Variants in SLIT3 observed in about 807,000 individuals in gnomAD.
The protein encoded by SLIT3 is slit homolog 3 protein.
Under a neutral mutation model 184.0 loss-of-function variants are expected in SLIT3, and 68 were observed. The observed-to-expected ratio is 0.37, with a 90% CI of 0.30 to 0.45. The LOEUF is 0.45. SLIT3 is among the 20% of genes least tolerant of loss of function. The pLI is 1.00. For synonymous variants in SLIT3, 831 were observed against 828.6 expected (o/e 1.00, Z -0.05); for missense variants, 1,707 against 2,026.0 (o/e 0.84, Z 3.02).
intron 5 of SLIT3, 49 bp downstream of exon 5, chr5:168,883,216 G>A (rs766971592): frequency 4.0e-6 from 6 of 1,492,408 alleles, no homozygotes; most frequent in Middle Eastern, 1.7e-4. Flanking sequence ...TCTGGTCAGA[G>A]AGCCCAAGTT....
At chr5:168,692,553 T>C (rs1761940840) in intron 29 of SLIT3, 54 bp downstream of exon 29, 1 of 1,264,806 alleles carries the variant, frequency 7.9e-7, no homozygotes, top group Non-Finnish European at 1.2e-6. Context: ...ACCTAGACTG[T>C]TAGAGGCAGA....
At chr5:168,764,767 T>TAGATAC (rs1287038571) in intron 14 of SLIT3, among the ~76,000 whole-genome samples, 1 of 152,166 alleles carries the variant, frequency 6.6e-6, no homozygotes, top group Non-Finnish European at 1.5e-5. Flanking sequence ...ACCGCTAGGC[T>TAGATAC]TGTGTGAGCA....
intron 6 of SLIT3, among the ~76,000 whole-genome samples, chr5:168,830,032 G>C (rs1335222660): frequency 6.6e-6 from 1 of 152,302 alleles, no homozygotes; most frequent in South Asian, 2.1e-4. Context: ...CTGCTGATGG[G>C]CAGCCAACAT....
At chr5:169,144,823 C>G (rs913768714) in intron 4 of SLIT3, among the ~76,000 whole-genome samples, 2 of 152,208 alleles carry the variant, frequency 1.3e-5, no homozygotes, top group African/African-American at 4.8e-5. Flanking sequence ...TTGTCCTAAG[C>G]CCTACCCTGC....
chr5:168,863,958 C>T (rs974753611), intron 5 of SLIT3, among the ~76,000 whole-genome samples: 1 of 151,802 alleles, frequency 6.6e-6, no homozygotes, highest in Non-Finnish European at 1.5e-5. Flanking sequence ...GTAGCTCATG[C>T]CTGTAATTTC....
chr5:168,833,074 C>A (rs1010627013), intron 6 of SLIT3, among the ~76,000 whole-genome samples: 3 of 152,196 alleles, frequency 2.0e-5, no homozygotes, highest in African/African-American at 4.8e-5. Flanking sequence ...TTTCTCCCCC[C>A]ACAACCATCA....
intron 4 of SLIT3, among the ~76,000 whole-genome samples, chr5:169,031,373 A>G (rs1270818513): frequency 6.6e-6 from 1 of 152,206 alleles, no homozygotes; most frequent in African/African-American, 2.4e-5. Flanking sequence ...CTCTACCCTC[A>G]TAGAAGATGC....
At chr5:168,874,711 C>T (rs1049413106) in intron 5 of SLIT3, among the ~76,000 whole-genome samples, 2 of 152,252 alleles carry the variant, frequency 1.3e-5, no homozygotes, top group Admixed American at 6.5e-5. Context: ...TACCACCACT[C>T]TCTCCTTGCT....
chr5:169,130,091 C>T (rs747119929), intron 4 of SLIT3, among the ~76,000 whole-genome samples: 6 of 152,176 alleles, frequency 3.9e-5, no homozygotes. Flanking sequence ...TCATGATCCA[C>T]CCATCTCGGC....
At chr5:168,677,471 T>C (rs1761451098) in intron 32 of SLIT3, among the ~76,000 whole-genome samples, 1 of 151,810 alleles carries the variant, frequency 6.6e-6, no homozygotes, top group Admixed American at 6.6e-5. Flanking sequence ...TTTTTTGAGA[T>C]GGAGTCTCGC....
At chr5:168,803,130 CTGTG>C (rs1261217621) in intron 9 of SLIT3, among the ~76,000 whole-genome samples, 1 of 152,196 alleles carries the variant, frequency 6.6e-6, no homozygotes, top group East Asian at 1.9e-4. Context: ...TTATGGCAAT[CTGTG>C]TGTATCTACT....
intron 4 of SLIT3, among the ~76,000 whole-genome samples, chr5:169,138,980 C>T (rs565269562): frequency 6.6e-6 from 1 of 152,320 alleles, no homozygotes; most frequent in Non-Finnish European, 1.5e-5. Flanking sequence ...ACTGCTCCAG[C>T]CTTTCTTGGA....
At chr5:169,034,138 G>A (rs992885723) in intron 4 of SLIT3, among the ~76,000 whole-genome samples, 1 of 152,000 alleles carries the variant, frequency 6.6e-6, no homozygotes, top group East Asian at 1.9e-4. Context: ...TATGAATTTG[G>A]GATATTAACC....
intron 4 of SLIT3, among the ~76,000 whole-genome samples, chr5:169,019,243 T>A (rs1279893752): frequency 6.6e-6 from 1 of 152,192 alleles, no homozygotes; most frequent in Non-Finnish European, 1.5e-5. Context: ...GGTCGACCTT[T>A]GCAGAGGCGG....
intron 4 of SLIT3, among the ~76,000 whole-genome samples, chr5:169,060,639 T>G (rs1324639086): frequency 6.6e-6 from 1 of 152,200 alleles, no homozygotes; most frequent in Non-Finnish European, 1.5e-5. Context: ...GCTCTATGTC[T>G]CCTCTTCTCT....
In SLIT3 at chr5:168,951,774, C is replaced by T. The variant is rs531257271; in HGVS notation, c.414-68438G>A. ...CTGCTGACCAAAGCCTGATCCAGGCCAAGGCTCATCTGTTCCTGTCTCTGT... is the reference window on the plus strand; with the variant it reads ...CTGCTGACCAAAGCCTGATCCAGGCTAAGGCTCATCTGTTCCTGTCTCTGT... On this transcript the variant is annotated intron_variant, in intron 4 of 35. Coordinates refer to ENST00000519560, the MANE Select transcript of SLIT3 (RefSeq NM_003062.4). Among the ~76,000 whole-genome samples, 4 of 152,286 alleles carry T rather than the reference C, an allele frequency of 2.6e-5. 1 individual carries two copies. Among genetic ancestry groups the T allele is most frequent in the African/African-American group, 9.6e-5 (4 of 41,564 alleles).
chr5:169,211,865 T>A (rs879367524), intron 3 of SLIT3, among the ~76,000 whole-genome samples: 4 of 152,162 alleles, frequency 2.6e-5, no homozygotes, highest in Non-Finnish European at 5.9e-5. Flanking sequence ...CAACTCCCAT[T>A]TATGAGTGAG....
chr5:169,002,534 G>C (rs907811900), intron 4 of SLIT3, among the ~76,000 whole-genome samples: 3 of 152,008 alleles, frequency 2.0e-5, no homozygotes, highest in African/African-American at 7.3e-5. Flanking sequence ...TGGACAGAAT[G>C]TGATGGCCAC....
chr5:169,210,687 G>C (rs1269661814), intron 3 of SLIT3, among the ~76,000 whole-genome samples: 1 of 152,166 alleles, frequency 6.6e-6, no homozygotes, highest in Non-Finnish European at 1.5e-5. Flanking sequence ...AAGGGGACCA[G>C]AGGTAGGAAT....
Sources: allele counts gnomAD v4.1 joint callset (sites outside exome capture counted in the v4.1 genomes callset), GRCh38; gene constraint gnomAD v4.1.1; transcripts MANE v1.5; gene names NCBI Gene and HGNC (gene_info 2026-07-23, HGNC 2026-07-21).